CCL24: variants seen among roughly 807,000 people sequenced by gnomAD.
CCL24 encodes C-C motif chemokine ligand 24, also known as C-C motif chemokine 24.
CCL24 carries 6 observed loss-of-function variants against 8.6 expected under a neutral mutation model. The ratio of observed to expected loss-of-function variants is 0.70; its 90% CI spans 0.38 to 1.38. The LOEUF is 1.38. Among genes scored for constraint, CCL24 ranks in the 40% most tolerant of loss-of-function variants. CCL24 has a pLI of 0.02. For synonymous variants in CCL24, 59 were observed against 52.7 expected, an observed-to-expected ratio of 1.12 and a Z score of -0.52; for missense variants, 126 against 147.1, an observed-to-expected ratio of 0.86 and a Z score of 0.74.
chr7:75,819,327 T>A, intron 1 of CCL24, among the ~76,000 whole-genome samples: 4 of 76,242 alleles, frequency 5.2e-5, no homozygotes, highest in Non-Finnish European at 7.7e-5. Context: ...TATATATATA[T>A]ATATATATAT....
intron 1 of CCL24, among the ~76,000 whole-genome samples, chr7:75,822,512 C>T (rs1278845724): frequency 2.0e-5 from 3 of 152,162 alleles, no homozygotes; most frequent in Non-Finnish European, 4.4e-5. Context: ...ATCTTATCCT[C>T]TTATTGTCCC....
intron 1 of CCL24, among the ~76,000 whole-genome samples, chr7:75,819,129 G>A (rs1803956050): frequency 6.8e-6 from 1 of 148,144 alleles, no homozygotes; most frequent in Non-Finnish European, 1.5e-5. Flanking sequence ...CCAGCTGGGC[G>A]TGGTGGCACA....
chr7:75,822,158 G>A (rs1014346639), intron 1 of CCL24, among the ~76,000 whole-genome samples: 1 of 151,662 alleles, frequency 6.6e-6, no homozygotes, highest in East Asian at 1.9e-4. Flanking sequence ...CACCTGTCCC[G>A]ACACTTTGTG....
rs1349080002 is a variant in CCL24, at chr7:75,811,034, C to A, written c.*762G>T. On this transcript the variant is annotated 3_prime_UTR_variant, in exon 3 of 3. Transcript: ENST00000222902. Reference sequence around the variant, plus strand: ...GCAGTACAGGCCCTTGTCCCCAAGACAGCATGGAGCAACCTGTCACAAAGC... The same window carrying A: ...GCAGTACAGGCCCTTGTCCCCAAGAAAGCATGGAGCAACCTGTCACAAAGC... 6.6e-6 allele frequency among the ~76,000 whole-genome samples: 1 copy of A among 151,716 alleles called. No homozygotes were observed. Among genetic ancestry groups the A allele is most frequent in the Non-Finnish European group, 1.5e-5 (1 of 67,946 alleles).
intron 1 of CCL24, among the ~76,000 whole-genome samples, chr7:75,820,868 C>A (rs1804035333): frequency 6.6e-6 from 1 of 151,132 alleles, no homozygotes; most frequent in Non-Finnish European, 1.5e-5. Flanking sequence ...TCTATCTATC[C>A]ATCCACTCAT....
Position 75,811,349 on chromosome 7 carries a change from C to T in CCL24, c.*447G>A, listed in dbSNP as rs1250440850. 6.6e-6 allele frequency among the ~76,000 whole-genome samples: 1 copy of T among 151,700 alleles called. No homozygotes were observed. Among genetic ancestry groups the T allele is most frequent in the Non-Finnish European group, 1.5e-5 (1 of 67,910 alleles). ...CAAAAGTTAGTTGGGTGTGGTGGTA[C>T]ACACCTGTAGTCCCAGGTACTCGGG... On this transcript the variant is annotated 3_prime_UTR_variant, in exon 3 of 3. Transcript: ENST00000222902.
At chr7:75,815,945 A>G (rs112275442), upstream of CCL24, among the ~76,000 whole-genome samples, 669 of 150,826 alleles carry the variant, frequency 4.4e-3, no homozygotes, top group Non-Finnish European at 7.8e-3. Flanking sequence ...CCCATACCCA[A>G]CCCCTCCCTA....
upstream of CCL24, among the ~76,000 whole-genome samples, chr7:75,814,556 C>CA (rs1390961253): frequency 1.3e-5 from 2 of 151,918 alleles, no homozygotes; most frequent in Non-Finnish European, 2.9e-5. Flanking sequence ...AACAGAGCAA[C>CA]ACCCTGTCTT....
chr7:75,811,801 A>C lies in CCL24; in HGVS notation c.355T>G (p.Cys119Gly), dbSNP rs1291182746. ...VQRYPGNQTT[C>G] Reference sequence around the variant, plus strand: ...GCTGGAGGGCTGGGCGGGGATTAGCAGGTGGTTTGGTTGCCAGGATATCTC... The same window carrying C: ...GCTGGAGGGCTGGGCGGGGATTAGCCGGTGGTTTGGTTGCCAGGATATCTC... The change falls in exon 3 of 3, where the codon TGC becomes GGC. Residue 119 changes from cysteine to glycine, a missense_variant. Transcript: ENST00000222902. 6.2e-7 allele frequency: 1 copy of C among 1,613,046 alleles called. No individual in the cohort carries two copies. The highest frequency in any genetic ancestry group is 8.5e-7 in the Non-Finnish European group (1 of 1,179,592).
rs1585032495 is a variant in CCL24, at chr7:75,821,371, T to G, written c.-60+1951A>C. ...GGTGGGAAGCCTGTGGTAGGGAATC[T>G]AGGATGGAGAGGTGGAGGAAGTTAG... On this transcript the variant is annotated intron_variant, in intron 1 of 3. Coordinates refer to the CCL24 transcript ENST00000416943. 2.0e-5 allele frequency among the ~76,000 whole-genome samples: 3 copies of G among 151,976 alleles called. No individual in the cohort carries two copies. In the East Asian group the frequency reaches 5.8e-4, roughly 29 times the overall value.
upstream of CCL24, among the ~76,000 whole-genome samples, chr7:75,816,571 A>ATTTATTTATTTATTTATTTATTTAT (rs139417962): frequency 3.8e-3 from 579 of 151,652 alleles, 6 homozygotes; most frequent in Middle Eastern, 0.01. Flanking sequence ...TTATTTATTT[A>ATTTATTTATTTATTTATTTATTTAT]TTATTTTTGA....
rs1186875234 is a variant in CCL24 at position 75,810,916 on chromosome 7, T to C, written c.*880A>G. Among the ~76,000 whole-genome samples the C allele has an allele frequency of 6.6e-6, 1 of 151,884 alleles. No homozygotes were observed. Among genetic ancestry groups the C allele is most frequent in the African/African-American group, 2.4e-5 (1 of 41,370 alleles). ...CTTGATAAACCCACACAGTATATCATGCATAGAAAAAAAAAGCTAGAGTCT... is the reference window on the plus strand; with the variant it reads ...CTTGATAAACCCACACAGTATATCACGCATAGAAAAAAAAAGCTAGAGTCT... On this transcript the variant is annotated 3_prime_UTR_variant, in exon 3 of 3. Coordinates refer to ENST00000222902, the MANE Select transcript of CCL24 (RefSeq NM_002991.3).
Position 75,813,430 on chromosome 7 carries a change from G to C in CCL24, c.74-7C>G. On this transcript the variant is annotated splice_polypyrimidine_tract_variant and splice_region_variant and intron_variant, in intron 1 of 2. Coordinates refer to ENST00000222902, the MANE Select transcript of CCL24 (RefSeq NM_002991.3). ...GAGGGGATGACCACAGAGCCTAGAA[G>C]AGGAGAGAGAGAAGAGCCACGTCTT... 2 of 1,589,776 alleles carry C rather than the reference G, an allele frequency of 1.3e-6. No individual in the cohort carries two copies. Among genetic ancestry groups the C allele is most frequent in the Non-Finnish European group, 1.7e-6 (2 of 1,158,552 alleles).
At position 75,819,156 on chromosome 7, in the gene CCL24, T is replaced by G. The variant is rs188131113; in HGVS notation, c.-60+4166A>C. Among the ~76,000 whole-genome samples, 67 of 146,160 alleles carry G rather than the reference T, an allele frequency of 4.6e-4. No homozygotes were observed. The East Asian group carries it at 0.013, about 28-fold the overall frequency. On this transcript the variant is annotated intron_variant, in intron 1 of 3. Transcript: ENST00000416943. ...GGTGGCACATGACTGTAATCCCAGCTGCTCGGGAGGCTGAGGCACAAGAAT... is the reference window on the plus strand; with the variant it reads ...GGTGGCACATGACTGTAATCCCAGCGGCTCGGGAGGCTGAGGCACAAGAAT...
chr7:75,814,741 G>A (rs937336783), upstream of CCL24, among the ~76,000 whole-genome samples: 26 of 151,834 alleles, frequency 1.7e-4, no homozygotes, highest in Non-Finnish European at 2.6e-4. Context: ...TAGGGAAGTG[G>A]GAAATGCCTG....
At chr7:75,818,177 G>A (rs1803933381), upstream of CCL24, among the ~76,000 whole-genome samples, 1 of 152,016 alleles carries the variant, frequency 6.6e-6, no homozygotes, top group African/African-American at 2.4e-5. Flanking sequence ...GTTAAGGCAG[G>A]GATTACCAAC....
intron 1 of CCL24, chr7:75,823,266 A>C (rs4279521): frequency 0.49 from 75,166 of 152,434 alleles, 19,278 homozygotes; most frequent in East Asian, 0.78. Context: ...TGCTTCCTCG[A>C]TACCAAACAC....
upstream of CCL24, chr7:75,813,894 A>G: frequency 1.9e-6 from 1 of 527,640 alleles, no homozygotes; most frequent in Non-Finnish European, 3.5e-6. Context: ...GAAAATCCTG[A>G]GGCCTGTGGT....
chr7:75,820,362 G>C (rs1804020774), intron 1 of CCL24, among the ~76,000 whole-genome samples: 1 of 151,896 alleles, frequency 6.6e-6, no homozygotes, highest in Non-Finnish European at 1.5e-5. Context: ...TGTACTTTTA[G>C]TGGAGGCGGG....
Sources: allele counts gnomAD v4.1 joint callset (sites outside exome capture counted in the v4.1 genomes callset), GRCh38; gene constraint gnomAD v4.1.1; transcripts MANE v1.5; gene names NCBI Gene and HGNC (gene_info 2026-07-23, HGNC 2026-07-21).